Variants in TBX18 observed in about 807,000 individuals in gnomAD.
TBX18 encodes the protein T-box transcription factor TBX18.
Under a neutral mutation model 55.0 loss-of-function variants are expected in TBX18, and 21 were observed. The observed-to-expected ratio is 0.38, with a 90% CI of 0.27 to 0.55. TBX18 has a LOEUF of 0.55. Ranked by LOEUF, TBX18 falls within the 20% of genes least tolerant of loss-of-function variation. The pLI is 0.73. For missense variants in TBX18, 840 were observed against 799.6 expected (o/e 1.05, Z -0.61); for synonymous variants, 342 against 326.1 (o/e 1.05, Z -0.53).
intron 3 of TBX18, among the ~76,000 whole-genome samples, chr6:84,757,773 T>A (rs215940): frequency 1.3e-5 from 2 of 151,594 alleles, no homozygotes; most frequent in African/African-American, 4.8e-5. Context: ...CATTTATTAA[T>A]AATTTAAAAT....
At position 84,756,718 on chromosome 6, in the gene TBX18, C is replaced by A; in HGVS notation, c.751G>T (p.Glu251Ter). 1.2e-6 allele frequency: 2 copies of A among 1,613,990 alleles called. No individual in the cohort carries two copies. The highest frequency in any genetic ancestry group is 1.7e-6 in the Non-Finnish European group (2 of 1,179,998). The change falls in exon 4 of 8, where the codon GAA becomes TAA. Residue 251 changes from glutamate (E) to a stop codon, truncating the protein, a stop_gained. Transcript: ENST00000369663. LOFTEE classifies it high-confidence loss of function. Reference sequence around the variant, plus strand: ...CTCACATGGCCTTGGTCATCCAGTTCATTGTTGGTGAGCTTCAGCTTGTCG... The same window carrying A: ...CTCACATGGCCTTGGTCATCCAGTTAATTGTTGGTGAGCTTCAGCTTGTCG... Reference protein sequence around the residue: ...SFDKLKLTNNELDDQGHIILH... With the variant: ...SFDKLKLTNN
At chr6:84,758,379 G>T (rs1264648186) in intron 3 of TBX18, among the ~76,000 whole-genome samples, 3 of 149,436 alleles carry the variant, frequency 2.0e-5, no homozygotes, top group Non-Finnish European at 1.5e-5. Flanking sequence ...TTGTACTCCA[G>T]CCTGGGCAAC....
intron 5 of TBX18, among the ~76,000 whole-genome samples, chr6:84,747,718 G>A (rs891888528): frequency 6.6e-6 from 1 of 152,046 alleles, no homozygotes; most frequent in African/African-American, 2.4e-5. Context: ...CACAAGACAT[G>A]GTTTGTCTAA....
chr6:84,755,257 A>G (rs1767457713), intron 4 of TBX18, among the ~76,000 whole-genome samples: 1 of 152,222 alleles, frequency 6.6e-6, no homozygotes, highest in Admixed American at 6.5e-5. Flanking sequence ...TAAGAAGTTT[A>G]TAACTTATAC....
At chr6:84,763,484 G>C (rs1478105090) in intron 1 of TBX18, 1 of 475,386 alleles carries the variant, frequency 2.1e-6, no homozygotes, top group Admixed American at 2.3e-5. Flanking sequence ...AAACGGTTTA[G>C]GGCATTCGTT....
Position 84,760,248 on chromosome 6 carries a change from A to ACAG in TBX18, c.599+6_599+7insCTG. 6.4e-7 allele frequency: 1 copy of ACAG among 1,550,914 alleles called. No individual in the cohort carries two copies. The highest frequency in any genetic ancestry group is 1.9e-5 in the Admixed American group (1 of 53,954). ...TTTTTTAATTGTTCAGTATCTAATCACTGTACCTGTATCTTTTGTTGTCCA... is the reference window on the plus strand; with the variant it reads ...TTTTTTAATTGTTCAGTATCTAATCACAGCTGTACCTGTATCTTTTGTTGTCCA... On this transcript the variant is annotated splice_region_variant and intron_variant, in intron 3 of 7. Coordinates refer to ENST00000369663, the MANE Select transcript of TBX18 (RefSeq NM_001080508.3).
chr6:84,760,168 G>T, intron 3 of TBX18, 87 bp downstream of exon 3: 1 of 754,428 alleles, frequency 1.3e-6, no homozygotes, highest in Non-Finnish European at 1.9e-6. Context: ...TGGAAGCAAA[G>T]ATCACAGTCC....
chr6:84,745,460 A>T (rs1414895229), intron 5 of TBX18, among the ~76,000 whole-genome samples: 5 of 152,138 alleles, frequency 3.3e-5, no homozygotes, highest in Non-Finnish European at 5.9e-5. Context: ...GTTAAATAAA[A>T]GTCATCTGCA....
chr6:84,755,092 TTAAA>T (rs139622476), intron 4 of TBX18, among the ~76,000 whole-genome samples: 15,474 of 145,798 alleles, frequency 0.11, 807 homozygotes, highest in African/African-American at 0.12. Flanking sequence ...GAATGCTGCT[TTAAA>T]TAAAGTCTAT....
At chr6:84,746,681 A>G (rs1343906545) in intron 5 of TBX18, among the ~76,000 whole-genome samples, 2 of 148,060 alleles carry the variant, frequency 1.4e-5, no homozygotes, top group Non-Finnish European at 3.0e-5. Context: ...TACATATGTT[A>G]TATATAATAC....
chr6:84,759,281 G>T (rs984510763), intron 3 of TBX18, among the ~76,000 whole-genome samples: 3 of 149,954 alleles, frequency 2.0e-5, no homozygotes, highest in Non-Finnish European at 1.5e-5. Context: ...TAAAATCTGT[G>T]TACTTTTGAT....
chr6:84,746,163 T>C (rs983636055), intron 5 of TBX18, among the ~76,000 whole-genome samples: 1 of 152,068 alleles, frequency 6.6e-6, no homozygotes, highest in African/African-American at 2.4e-5. Context: ...GCTGACTGCA[T>C]TGCACTTACT....
At chr6:84,753,425 AG>A (rs1433353255) in intron 4 of TBX18, among the ~76,000 whole-genome samples, 1 of 118,068 alleles carries the variant, frequency 8.5e-6, no homozygotes, top group Non-Finnish European at 1.7e-5. Flanking sequence ...GAGTAAAACT[AG>A]GAACTGAGAA....
intron 5 of TBX18, among the ~76,000 whole-genome samples, chr6:84,746,533 T>A (rs1232725311): frequency 7.5e-5 from 11 of 146,620 alleles, no homozygotes; most frequent in Non-Finnish European, 1.7e-4. Flanking sequence ...ATTTGATATA[T>A]TAAAATCATA....
At position 84,738,519 on chromosome 6, in the gene TBX18, A is replaced by G; in HGVS notation, c.1077T>C (p.Asp359=). The G allele has an allele frequency of 6.2e-7, 1 of 1,614,120 alleles. No individual in the cohort carries two copies. Among genetic ancestry groups the G allele is most frequent in the Non-Finnish European group, 8.5e-7 (1 of 1,180,002 alleles). The change falls in exon 7 of 8, where the codon GAT becomes GAC. Residue 359 remains aspartate (D), a synonymous_variant. Transcript: ENST00000369663. ...RPSLRTLTFE[D]IPGIPKQGNA... The stretch of plus-strand genomic sequence containing the variant: ...TACCTTGCTTGGGAATTCCAGGGAT[A>G]TCTTCAAAGGTCAGAGTCCGTAGTG...
At chr6:84,740,718 G>A (rs1300369302) in intron 6 of TBX18, among the ~76,000 whole-genome samples, 1 of 152,138 alleles carries the variant, frequency 6.6e-6, no homozygotes, top group African/African-American at 2.4e-5. Flanking sequence ...GCAAAAGAAT[G>A]TTAAGACACA....
At chr6:84,744,750 T>C (rs1165277250) in intron 5 of TBX18, among the ~76,000 whole-genome samples, 1 of 152,186 alleles carries the variant, frequency 6.6e-6, no homozygotes, top group Non-Finnish European at 1.5e-5. Context: ...AACTTCTATT[T>C]AACAGCCATT....
intron 5 of TBX18, among the ~76,000 whole-genome samples, chr6:84,745,743 T>C (rs1767165890): frequency 6.6e-6 from 1 of 152,134 alleles, no homozygotes. Flanking sequence ...TTTTAAAAAG[T>C]ACAGATTTAT....
chr6:84,759,253 A>G (rs1290094525), intron 3 of TBX18, among the ~76,000 whole-genome samples: 1 of 151,998 alleles, frequency 6.6e-6, no homozygotes, highest in Non-Finnish European at 1.5e-5. Flanking sequence ...GTAGTATTCT[A>G]TATGTCCATG....
Sources: allele counts gnomAD v4.1 joint callset (sites outside exome capture counted in the v4.1 genomes callset), GRCh38; gene constraint gnomAD v4.1.1; transcripts MANE v1.5; gene names NCBI Gene and HGNC (gene_info 2026-07-23, HGNC 2026-07-21).